RNF32: variants seen among roughly 807,000 people sequenced by gnomAD.
RNF32 encodes the protein ring finger protein 32.
Under a neutral mutation model 41.0 loss-of-function variants are expected in RNF32, and 36 were observed. The observed-to-expected ratio is 0.88, with a 90% CI of 0.67 to 1.16. The LOEUF is 1.16. RNF32 is among the 50% of genes most tolerant of loss of function. The pLI is 0.00. For synonymous variants in RNF32, 154 were observed against 160.9 expected (o/e 0.96, Z 0.32); for missense variants, 413 against 436.7 (o/e 0.95, Z 0.48).
At chr7:156,642,570 G>A (rs935444349) in intron 1 of RNF32, among the ~76,000 whole-genome samples, 4 of 152,206 alleles carry the variant, frequency 2.6e-5, no homozygotes, top group Non-Finnish European at 4.4e-5. Flanking sequence ...TGCTTTACGA[G>A]TTTTTATTTG....
At chr7:156,650,013 T>C (rs1456935852) in intron 3 of RNF32, among the ~76,000 whole-genome samples, 1 of 117,718 alleles carries the variant, frequency 8.5e-6, no homozygotes, top group African/African-American at 4.6e-5. Context: ...TGTAAAATCA[T>C]CTGGGCCTGA....
chr7:156,658,998 T>C lies in RNF32; in HGVS notation c.684+428T>C, dbSNP rs181659412. 324 of 1,487,640 alleles carry C rather than the reference T, an allele frequency of 2.2e-4. 3 individuals are homozygous for C. The East Asian group carries it at 2.4e-3, about 11-fold the overall frequency. The allele number at this position is 1,487,640 out of a possible 1,614,324, so 92.2% of individuals were successfully genotyped here. A position where few individuals can be genotyped will look rare whatever the true frequency, so the allele number is the denominator to read the frequency against. On this transcript the variant is annotated intron_variant, in intron 7 of 8. Coordinates refer to ENST00000317955, the MANE Select transcript of RNF32 (RefSeq NM_030936.4). ...AAGCCCCCACATGCTACCATTGTAT[T>C]GAGTACCTCGTGGGGTCATCACAAT...
At chr7:156,664,123 C>T (rs563405903) in intron 7 of RNF32, among the ~76,000 whole-genome samples, 4 of 152,286 alleles carry the variant, frequency 2.6e-5, no homozygotes, top group South Asian at 4.2e-4. Context: ...CGGCACATTG[C>T]GTGATTGCCA....
intron 3 of RNF32, among the ~76,000 whole-genome samples, chr7:156,652,640 G>T (rs1304191259): frequency 6.6e-6 from 1 of 151,962 alleles, no homozygotes; most frequent in African/African-American, 2.4e-5. Flanking sequence ...CTCTGACCCT[G>T]TGTTGGCCTA....
chr7:156,650,524 C>T (rs1457751682), intron 3 of RNF32, among the ~76,000 whole-genome samples: 1 of 152,216 alleles, frequency 6.6e-6, no homozygotes, highest in African/African-American at 2.4e-5. Context: ...GGCCAGAGAG[C>T]ACAGCAGTTT....
intron 3 of RNF32, among the ~76,000 whole-genome samples, chr7:156,651,381 T>C (rs1798717671): frequency 6.6e-6 from 1 of 151,918 alleles, no homozygotes; most frequent in South Asian, 2.1e-4. Flanking sequence ...ACCTGGCTAA[T>C]TTTTGTATTT....
At chr7:156,672,635 A>G in intron 7 of RNF32, among the ~76,000 whole-genome samples, 1 of 152,262 alleles carries the variant, frequency 6.6e-6, no homozygotes, top group East Asian at 1.9e-4. Context: ...GGATTGCTCC[A>G]GGCATCCTGT....
intron 7 of RNF32, among the ~76,000 whole-genome samples, chr7:156,673,000 G>A (rs1356240212): frequency 2.6e-5 from 4 of 152,234 alleles, no homozygotes; most frequent in Non-Finnish European, 4.4e-5. Flanking sequence ...CAGGCCCGGG[G>A]CAAAGCCTGA....
At chr7:156,653,919 G>A (rs1799179057) in intron 3 of RNF32, among the ~76,000 whole-genome samples, 1 of 152,220 alleles carries the variant, frequency 6.6e-6, no homozygotes, top group African/African-American at 2.4e-5. Context: ...AGGCAGGTGA[G>A]AACTGGGAGA....
At chr7:156,674,717 T>C (rs1352944326) in intron 7 of RNF32, among the ~76,000 whole-genome samples, 1 of 152,196 alleles carries the variant, frequency 6.6e-6, no homozygotes, top group Non-Finnish European at 1.5e-5. Flanking sequence ...AGTACTGTAT[T>C]CAATTAATAA....
rs1033028222 is a variant in RNF32, at chr7:156,661,215, G to A, written c.684+2645G>A. 3.6e-5 allele frequency among the ~76,000 whole-genome samples: 5 copies of A among 138,202 alleles called. No homozygotes were observed. In the South Asian group the frequency reaches 6.7e-4, roughly 18 times the overall value. The allele number at this position is 138,202 out of a possible 152,430, so 90.7% of individuals were successfully genotyped here. ...AAACTCCAGCAAGGAGTGGGCATAAGGGGCATCTCACCTTTCTTCCCATCG... is the reference window on the plus strand; with the variant it reads ...AAACTCCAGCAAGGAGTGGGCATAAAGGGCATCTCACCTTTCTTCCCATCG... On this transcript the variant is annotated intron_variant, in intron 7 of 8. Transcript: ENST00000317955.
chr7:156,651,895 C>T (rs747349335), intron 3 of RNF32, among the ~76,000 whole-genome samples: 5 of 152,142 alleles, frequency 3.3e-5, no homozygotes, highest in Non-Finnish European at 7.3e-5. Flanking sequence ...TTCTGGAATC[C>T]TCCGTGGTCC....
chr7:156,667,057 T>C (rs1291570724), intron 7 of RNF32, among the ~76,000 whole-genome samples: 1 of 152,170 alleles, frequency 6.6e-6, no homozygotes, highest in Non-Finnish European at 1.5e-5. Flanking sequence ...AGCATAATGG[T>C]CTTAAAGTTT....
In RNF32 at chr7:156,673,108, C is replaced by T. The variant is rs1471501071; in HGVS notation, c.685-2588C>T. Among the ~76,000 whole-genome samples, 13 of 152,350 alleles carry T rather than the reference C, an allele frequency of 8.5e-5. No homozygotes were observed. In the East Asian group the frequency reaches 2.5e-3, roughly 29 times the overall value. ...CCCAGATCATATCGATCATTTCATT[C>T]AATTGATCAGTCATTCCAAATAGTA... On this transcript the variant is annotated intron_variant, in intron 7 of 8. Transcript: ENST00000317955.
intron 7 of RNF32, among the ~76,000 whole-genome samples, chr7:156,666,317 T>A (rs1446464155): frequency 6.6e-6 from 1 of 152,220 alleles, no homozygotes; most frequent in Non-Finnish European, 1.5e-5. Context: ...GGAGAGTTAG[T>A]GAAGTCTTTT....
chr7:156,648,796 AAATTAT>A (rs2131378225), intron 3 of RNF32, among the ~76,000 whole-genome samples: 1 of 152,234 alleles, frequency 6.6e-6, no homozygotes, highest in East Asian at 1.9e-4. Flanking sequence ...ACCATCTTTT[AAATTAT>A]ATCTATTGTT....
intron 7 of RNF32, among the ~76,000 whole-genome samples, 171 bp from the exon 8 acceptor site, chr7:156,675,525 T>A (rs1803691355): frequency 6.6e-6 from 1 of 152,178 alleles, no homozygotes; most frequent in African/African-American, 2.4e-5. Context: ...CTGTCCAGAT[T>A]ATCTGGATTT....
chr7:156,657,227 T>G (rs1013580828), intron 4 of RNF32, among the ~76,000 whole-genome samples: 1 of 152,198 alleles, frequency 6.6e-6, no homozygotes, highest in Admixed American at 6.5e-5. Context: ...CCCCTCCAGT[T>G]TGCAGTCACT....
In RNF32 at chr7:156,654,738, G is replaced by C; in HGVS notation, c.417+20G>C. On this transcript the variant is annotated intron_variant, in intron 4 of 8. Transcript: ENST00000317955. ...CCTCAGGTGTTTAGCATACGAGGGT[G>C]AGCTAGAGAGCTCCTGGGCTGTTTC... The C allele has an allele frequency of 6.2e-7, 1 of 1,607,194 alleles. No individual in the cohort carries two copies. The highest frequency in any genetic ancestry group is 8.5e-7 in the Non-Finnish European group (1 of 1,174,218).
Sources: gnomAD v4.1 joint callset for allele counts (sites outside exome capture counted in the v4.1 genomes callset) on GRCh38, gnomAD v4.1.1 for gene constraint, MANE v1.5 for transcripts, NCBI Gene and HGNC (gene_info 2026-07-23, HGNC 2026-07-21) for gene names.